The following ZNF407 variants were observed in gnomAD, a reference collection of about 807,000 sequenced individuals.
ZNF407 encodes the protein zinc finger protein 407.
ZNF407 carries 17 observed loss-of-function variants against 131.2 expected under a neutral mutation model. The ratio of observed to expected loss-of-function variants is 0.13; its 90% CI spans 0.09 to 0.19. ZNF407 has a LOEUF of 0.19. Among genes scored for constraint, ZNF407 ranks in the 10% least tolerant of loss-of-function variants. The probability of loss-of-function intolerance (pLI) is 1.00; values close to 1 mark genes in which losing one functional copy is unlikely to be tolerated. For synonymous variants in ZNF407, 1,156 were observed against 1,062.0 expected, an observed-to-expected ratio of 1.09 and a Z score of -1.72; for missense variants, 2,681 against 2,830.6, an observed-to-expected ratio of 0.95 and a Z score of 1.20.
intron 3 of ZNF407, among the ~76,000 whole-genome samples, chr18:74,722,462 G>A (rs11659530): frequency 0.67 from 102,087 of 151,982 alleles, 35,703 homozygotes; most frequent in East Asian, 0.85. Flanking sequence ...GGTTGGCTGT[G>A]TGTCAGGATT....
chr18:74,927,969 T>C (rs1395563442), intron 8 of ZNF407, among the ~76,000 whole-genome samples: 1 of 152,164 alleles, frequency 6.6e-6, no homozygotes, highest in Non-Finnish European at 1.5e-5. Flanking sequence ...ATTTCTATTA[T>C]TTGTATGTTA....
intron 8 of ZNF407, among the ~76,000 whole-genome samples, chr18:74,935,733 G>A (rs1599252870): frequency 6.6e-6 from 1 of 152,312 alleles, no homozygotes; most frequent in East Asian, 1.9e-4. Flanking sequence ...GAAGCACCGA[G>A]CAGGCAGAAG....
chr18:74,980,099 G>GAAA (rs5826358), intron 8 of ZNF407, among the ~76,000 whole-genome samples: 220 of 150,034 alleles, frequency 1.5e-3, no homozygotes, highest in South Asian at 4.0e-3. Context: ...TCCACTGTTG[G>GAAA]AAAAAAAAAT....
At chr18:74,655,858 G>T (rs898582939) in intron 3 of ZNF407, among the ~76,000 whole-genome samples, 13 of 152,086 alleles carry the variant, frequency 8.5e-5, no homozygotes, top group African/African-American at 3.1e-4. Flanking sequence ...TCGGTTTTGT[G>T]TGATACGATG....
Position 74,838,693 on chromosome 18 carries a change from T to C in ZNF407, c.4878-38504T>C, listed in dbSNP as rs1037589694. 8.5e-5 allele frequency among the ~76,000 whole-genome samples: 13 copies of C among 152,178 alleles called. 1 individual carries two copies. Among genetic ancestry groups the C allele is most frequent in the African/African-American group, 2.9e-4 (12 of 41,442 alleles). ...CACAATAATTGGCAGTGACCTCTAA[T>C]ATATAAAGCATAGTTTTTTCCACAG... On this transcript the variant is annotated intron_variant, in intron 4 of 8. Transcript: ENST00000299687.
intron 3 of ZNF407, among the ~76,000 whole-genome samples, chr18:74,750,093 G>A (rs1968764670): frequency 6.6e-6 from 1 of 152,114 alleles, no homozygotes; most frequent in South Asian, 2.1e-4. Context: ...TCTCAGACTG[G>A]TTTACATTTT....
In ZNF407 at chr18:74,877,227, T is replaced by A; in HGVS notation, c.4908T>A (p.Ser1636Arg). Residue 1636 changes from serine to arginine, a missense_variant, in exon 5 of 9, where the codon AGT becomes AGA. By Grantham distance (110) the Ser-to-Arg change is moderately radical. Around this residue, in one of 6 missense-constraint regions of ZNF407, gnomAD observed 213 missense variants for 332.2 expected, o/e 0.64. Transcript: ENST00000299687. Reference sequence around the variant, plus strand: ...TTACATGCCACTTATGTGATAGAAGTTTCACAGAGAAGTGGGCCCTGAACA... The same window carrying A: ...TTACATGCCACTTATGTGATAGAAGATTCACAGAGAAGTGGGCCCTGAACA... ...RKFTCHLCDR[S>R]FTEKWALNNH... is the part of the protein sequence containing the mutation. 1 of 1,613,970 alleles carries A rather than the reference T, an allele frequency of 6.2e-7. No homozygotes were observed. The highest frequency in any genetic ancestry group is 8.5e-7 in the Non-Finnish European group (1 of 1,179,882).
At chr18:74,819,891 G>T (rs931050775) in intron 4 of ZNF407, among the ~76,000 whole-genome samples, 2 of 152,200 alleles carry the variant, frequency 1.3e-5, no homozygotes, top group East Asian at 3.9e-4. Flanking sequence ...AGATTGTAGT[G>T]CTGTGAAGGC....
Position 74,633,474 on chromosome 18 carries a change from G to A in ZNF407, c.2455G>A (p.Glu819Lys), listed in dbSNP as rs773034063. Residue 819 changes from glutamate to lysine, a missense_variant, in exon 2 of 9, where the codon GAG becomes AAG. Around this residue, in one of 6 missense-constraint regions of ZNF407, gnomAD observed 1,789 missense variants for 1,748.7 expected, o/e 1.02. Coordinates refer to ENST00000299687, the MANE Select transcript of ZNF407 (RefSeq NM_017757.3). ...SYLEKGMLAS[E>K]ELSQSGGSTK... Reference sequence around the variant, plus strand: ...TCTTGAGAAGGGCATGCTGGCGTCTGAGGAACTGTCACAGTCTGGTGGTAG... The same window carrying A: ...TCTTGAGAAGGGCATGCTGGCGTCTAAGGAACTGTCACAGTCTGGTGGTAG... 1 of 1,614,004 alleles carries A rather than the reference G, an allele frequency of 6.2e-7. No individual in the cohort carries two copies. The highest frequency in any genetic ancestry group is 8.5e-7 in the Non-Finnish European group (1 of 1,179,876).
At chr18:74,674,163 T>C (rs1297898962) in intron 3 of ZNF407, among the ~76,000 whole-genome samples, 1 of 152,232 alleles carries the variant, frequency 6.6e-6, no homozygotes, top group Non-Finnish European at 1.5e-5. Flanking sequence ...CTTCCATGGT[T>C]GCTACCTTCA....
At chr18:74,856,662 G>T (rs553918868) in intron 4 of ZNF407, among the ~76,000 whole-genome samples, 1 of 152,192 alleles carries the variant, frequency 6.6e-6, no homozygotes, top group Non-Finnish European at 1.5e-5. Context: ...AAAACACAGA[G>T]GAGCATTGTA....
chr18:74,907,306 C>T (rs779681460), intron 7 of ZNF407, among the ~76,000 whole-genome samples: 3 of 152,142 alleles, frequency 2.0e-5, no homozygotes, highest in South Asian at 2.1e-4. Flanking sequence ...AATAACCTGC[C>T]GCATTCTGGA....
intron 3 of ZNF407, among the ~76,000 whole-genome samples, chr18:74,776,686 G>A (rs988409601): frequency 1.3e-5 from 2 of 152,010 alleles, no homozygotes; most frequent in African/African-American, 4.8e-5. Flanking sequence ...CCCCCATGCA[G>A]TAAAAAATCC....
chr18:74,946,204 T>C (rs563684943), intron 8 of ZNF407, among the ~76,000 whole-genome samples: 16 of 152,346 alleles, frequency 1.1e-4, no homozygotes, highest in African/African-American at 3.8e-4. Context: ...AGAACCATTT[T>C]AAACCATTTA....
At chr18:74,802,354 A>G (rs997143029) in intron 4 of ZNF407, among the ~76,000 whole-genome samples, 1 of 152,176 alleles carries the variant, frequency 6.6e-6, no homozygotes, top group African/African-American at 2.4e-5. Flanking sequence ...ACAATGTTAC[A>G]TATACATTTT....
chr18:75,006,572 C>T lies in ZNF407; in HGVS notation c.5429-56578C>T, dbSNP rs575294024. Among the ~76,000 whole-genome samples, 7 of 152,212 alleles carry T rather than the reference C, an allele frequency of 4.6e-5. No homozygotes were observed. The South Asian group carries it at 1.2e-3, about 27-fold the overall frequency. ...TGTTGGTGGGTTTTAAAAAAATTTT[C>T]CTCCTTATTATTAATCTATAATATA... On this transcript the variant is annotated intron_variant, in intron 8 of 8. Transcript: ENST00000299687.
chr18:74,958,929 A>G (rs150824791), intron 8 of ZNF407, among the ~76,000 whole-genome samples: 29 of 152,334 alleles, frequency 1.9e-4, no homozygotes, highest in African/African-American at 6.5e-4. Context: ...TGACAGGTGG[A>G]TAGGATTTGA....
intron 8 of ZNF407, among the ~76,000 whole-genome samples, chr18:75,055,332 A>C (rs772932230): frequency 2.0e-5 from 3 of 152,134 alleles, no homozygotes; most frequent in Non-Finnish European, 4.4e-5. Context: ...CCAAAGGTAC[A>C]TGGTTGTGCA....
intron 4 of ZNF407, among the ~76,000 whole-genome samples, chr18:74,874,343 A>G (rs1971126443): frequency 6.6e-6 from 1 of 152,192 alleles, no homozygotes; most frequent in South Asian, 2.1e-4. Context: ...TGCAAAACAG[A>G]CCTCTTTAAT....
Sources: allele counts gnomAD v4.1 joint callset (sites outside exome capture counted in the v4.1 genomes callset), GRCh38; gene constraint gnomAD v4.1.1; regional missense constraint gnomAD v4.1.1; transcripts MANE v1.5; gene names NCBI Gene and HGNC (gene_info 2026-07-23, HGNC 2026-07-21).